SPECC1: variants seen among roughly 807,000 people sequenced by gnomAD.
The protein encoded by SPECC1 is sperm antigen with calponin homology and coiled-coil domains 1, also known as cytospin-B.
SPECC1 carries 62 observed loss-of-function variants against 104.1 expected under a neutral mutation model. That is an observed-to-expected ratio of 0.60 (90% CI 0.49 to 0.74). The LOEUF (loss-of-function observed/expected upper bound fraction) is 0.74, where lower values mean the gene tolerates loss of function less well. SPECC1 is among the 30% of genes least tolerant of loss of function. The pLI, the probability that SPECC1 is intolerant of heterozygous loss-of-function variation, is 0.00. For missense variants in SPECC1, 1,306 were observed against 1,310.5 expected (o/e 1.00, Z 0.05); for synonymous variants, 513 against 501.6 (o/e 1.02, Z -0.30).
intron 1 of SPECC1, among the ~76,000 whole-genome samples, chr17:20,069,305 A>G (rs1289413132): frequency 6.6e-6 from 1 of 152,134 alleles, no homozygotes; most frequent in Non-Finnish European, 1.5e-5. Context: ...TTATGGCTGC[A>G]TGTCCTTTCA....
At chr17:20,256,110 C>T (rs2039821378) in intron 10 of SPECC1, among the ~76,000 whole-genome samples, 1 of 152,098 alleles carries the variant, frequency 6.6e-6, no homozygotes, top group Non-Finnish European at 1.5e-5. Context: ...ATCTCCTGAC[C>T]TCGTAATCCA....
intron 10 of SPECC1, among the ~76,000 whole-genome samples, chr17:20,256,844 C>T (rs994473997): frequency 2.0e-5 from 3 of 152,200 alleles, no homozygotes; most frequent in East Asian, 1.9e-4. Context: ...AAGACCCTGT[C>T]TCTAGAAGAG....
chr17:20,137,583 G>C (rs2030159092), intron 3 of SPECC1, among the ~76,000 whole-genome samples: 1 of 151,846 alleles, frequency 6.6e-6, no homozygotes, highest in Non-Finnish European at 1.5e-5. Flanking sequence ...TTAGACTCTT[G>C]GTCATCTTTT....
At chr17:20,175,698 G>A (rs2034425766) in intron 3 of SPECC1, among the ~76,000 whole-genome samples, 1 of 152,190 alleles carries the variant, frequency 6.6e-6, no homozygotes, top group Non-Finnish European at 1.5e-5. Context: ...TTACTACACT[G>A]GCCTTGCTGG....
At chr17:20,019,547 T>C (rs2044289344) in intron 1 of SPECC1, among the ~76,000 whole-genome samples, 1 of 152,056 alleles carries the variant, frequency 6.6e-6, no homozygotes, top group Non-Finnish European at 1.5e-5. Flanking sequence ...CCATTCAAAA[T>C]TATTTTGAAA....
chr17:20,310,286 G>A (rs2041895518), intron 14 of SPECC1, among the ~76,000 whole-genome samples: 1 of 152,152 alleles, frequency 6.6e-6, no homozygotes, highest in African/African-American at 2.4e-5. Flanking sequence ...TGGTAGTTCT[G>A]TTTTAAGTTC....
intron 3 of SPECC1, among the ~76,000 whole-genome samples, chr17:20,198,397 A>G (rs1022148690): frequency 6.6e-6 from 1 of 152,222 alleles, no homozygotes; most frequent in East Asian, 1.9e-4. Flanking sequence ...CATTGCAGTG[A>G]CATTGAAAAG....
chr17:20,181,905 G>A (rs1224508604), intron 3 of SPECC1, among the ~76,000 whole-genome samples: 1 of 152,004 alleles, frequency 6.6e-6, no homozygotes, highest in African/African-American at 2.4e-5. Flanking sequence ...ATGTTCCAGG[G>A]TGGGTAGATA....
chr17:20,299,555 C>CAAAAAA (rs57493380), intron 13 of SPECC1, among the ~76,000 whole-genome samples: 86 of 40,102 alleles, frequency 2.1e-3, no homozygotes, highest in Middle Eastern at 0.016. Context: ...GACCCTGTCT[C>CAAAAAA]AAAAAAAAAA....
At chr17:20,290,165 A>G (rs1298179566) in intron 12 of SPECC1, 2 of 151,802 alleles carry the variant, frequency 1.3e-5, no homozygotes, top group Admixed American at 6.6e-5. Flanking sequence ...TGCGGGTTTC[A>G]GTCATTTTGT....
At chr17:20,161,458 C>G (rs1180111954) in intron 3 of SPECC1, among the ~76,000 whole-genome samples, 3 of 151,774 alleles carry the variant, frequency 2.0e-5, no homozygotes, top group African/African-American at 7.3e-5. Flanking sequence ...TTCTGTGCAT[C>G]ATTTATAGGT....
intron 1 of SPECC1, among the ~76,000 whole-genome samples, chr17:20,081,547 G>A (rs910797993): frequency 1.3e-5 from 2 of 152,086 alleles, no homozygotes; most frequent in Non-Finnish European, 2.9e-5. Flanking sequence ...GAGCAGAGGA[G>A]TGATGGGATC....
At chr17:20,300,572 A>G (rs978855094) in intron 13 of SPECC1, among the ~76,000 whole-genome samples, 8 of 152,204 alleles carry the variant, frequency 5.3e-5, no homozygotes, top group Non-Finnish European at 8.8e-5. Context: ...GCATGGCTGT[A>G]TTGGAAAATT....
At chr17:20,091,319 G>C (rs1348810522) in intron 1 of SPECC1, among the ~76,000 whole-genome samples, 1 of 152,174 alleles carries the variant, frequency 6.6e-6, no homozygotes, top group Non-Finnish European at 1.5e-5. Flanking sequence ...CAGATTTTCA[G>C]TGTTAATGTT....
intron 3 of SPECC1, among the ~76,000 whole-genome samples, chr17:20,178,861 C>G (rs1304957792): frequency 6.6e-6 from 1 of 152,110 alleles, no homozygotes; most frequent in African/African-American, 2.4e-5. Context: ...TCATGGAATT[C>G]TTTTTTAAAA....
intron 1 of SPECC1, chr17:20,056,137 T>G (rs1435723210): frequency 2.0e-5 from 3 of 152,242 alleles, no homozygotes; most frequent in Non-Finnish European, 4.4e-5. Context: ...TACTTAGTTC[T>G]TCCAGTGGAA....
intron 1 of SPECC1, among the ~76,000 whole-genome samples, chr17:20,014,267 A>G (rs944935984): frequency 1.3e-5 from 2 of 152,206 alleles, no homozygotes; most frequent in African/African-American, 4.8e-5. Flanking sequence ...CTTGCTATTA[A>G]AAGATAATCT....
chr17:20,168,830 T>G (rs1460113018), intron 3 of SPECC1, among the ~76,000 whole-genome samples: 3 of 152,188 alleles, frequency 2.0e-5, no homozygotes, highest in Non-Finnish European at 4.4e-5. Flanking sequence ...TGTAGATGTA[T>G]ATGTAACAGT....
At chr17:20,151,449 T>A (rs1282808577) in intron 3 of SPECC1, among the ~76,000 whole-genome samples, 1 of 152,224 alleles carries the variant, frequency 6.6e-6, no homozygotes, top group Non-Finnish European at 1.5e-5. Flanking sequence ...ATATTTTCAG[T>A]TTACAATGGG....
Sources: gnomAD v4.1 joint callset for allele counts (sites outside exome capture counted in the v4.1 genomes callset) on GRCh38, gnomAD v4.1.1 for gene constraint, MANE v1.5 for transcripts, NCBI Gene and HGNC (gene_info 2026-07-23, HGNC 2026-07-21) for gene names.